The following CFAP299 variants were observed in gnomAD, a reference collection of about 807,000 sequenced individuals.
CFAP299 encodes cilia- and flagella-associated protein 299.
CFAP299 carries 21 observed loss-of-function variants against 27.0 expected under a neutral mutation model. The observed-to-expected ratio is 0.78, with a 90% CI of 0.55 to 1.12. The LOEUF (loss-of-function observed/expected upper bound fraction) is 1.12, where lower values mean the gene tolerates loss of function less well. Ranked by LOEUF, CFAP299 falls within the 50% of genes most tolerant of loss-of-function variation. CFAP299 has a pLI of 0.00. For synonymous variants in CFAP299, 104 were observed against 98.1 expected (o/e 1.06, Z -0.36); for missense variants, 310 against 276.6 (o/e 1.12, Z -0.86).
Position 80,942,612 on chromosome 4 carries a change from A to G in CFAP299, c.477-2198A>G, listed in dbSNP as rs146079681. Reference sequence around the variant, plus strand: ...CAAAAGAATCATGTTCTATACAAATATACTTTTTTTATGTAGAAAACATTT... The same window carrying G: ...CAAAAGAATCATGTTCTATACAAATGTACTTTTTTTATGTAGAAAACATTT... On this transcript the variant is annotated intron_variant, in intron 4 of 5. Transcript: ENST00000358105. 4.1e-3 allele frequency among the ~76,000 whole-genome samples: 618 copies of G among 152,310 alleles called. 1 individual carries two copies. The highest frequency in any genetic ancestry group is 0.014 in the Middle Eastern group (4 of 294).
intron 3 of CFAP299, among the ~76,000 whole-genome samples, chr4:80,800,291 TAA>T (rs1491023146): frequency 5.4e-5 from 4 of 73,740 alleles, no homozygotes; most frequent in Non-Finnish European, 9.1e-5. Flanking sequence ...TATAATATAT[TAA>T]TATATATAAT....
chr4:80,612,249 C>T (rs1188722319), intron 3 of CFAP299, among the ~76,000 whole-genome samples: 1 of 151,978 alleles, frequency 6.6e-6, no homozygotes, highest in Non-Finnish European at 1.5e-5. Context: ...TCTCCTTCCT[C>T]TTCAGGAGAA....
intron 3 of CFAP299, among the ~76,000 whole-genome samples, chr4:80,661,314 C>A: frequency 2.4e-5 from 3 of 126,380 alleles, no homozygotes; most frequent in Admixed American, 9.0e-5. Context: ...TGACAGAGCA[C>A]AACTCCATCT....
At chr4:80,525,093 A>C (rs1733105234) in intron 2 of CFAP299, among the ~76,000 whole-genome samples, 1 of 152,160 alleles carries the variant, frequency 6.6e-6, no homozygotes, top group Admixed American at 6.6e-5. Context: ...TTACAACATG[A>C]CATTTGCTTC....
intron 3 of CFAP299, among the ~76,000 whole-genome samples, chr4:80,765,483 C>T (rs1013488052): frequency 3.3e-5 from 5 of 151,768 alleles, no homozygotes; most frequent in Admixed American, 6.6e-5. Context: ...CCAAGAAATA[C>T]TAAAGTATCA....
intron 3 of CFAP299, among the ~76,000 whole-genome samples, chr4:80,623,785 A>G (rs1344288254): frequency 6.6e-6 from 1 of 152,020 alleles, no homozygotes; most frequent in Non-Finnish European, 1.5e-5. Flanking sequence ...ACAGCCCCAT[A>G]CTCTAGATTA....
intron 3 of CFAP299, among the ~76,000 whole-genome samples, chr4:80,676,511 G>A (rs1398575116): frequency 1.3e-5 from 2 of 152,038 alleles, no homozygotes; most frequent in Non-Finnish European, 2.9e-5. Context: ...CAATTTTTTT[G>A]AAAAGTTTGG....
intron 3 of CFAP299, among the ~76,000 whole-genome samples, chr4:80,861,416 A>G (rs1278633685): frequency 6.6e-6 from 1 of 152,104 alleles, no homozygotes; most frequent in Non-Finnish European, 1.5e-5. Flanking sequence ...CACTGAACCC[A>G]CTGACCTGTG....
intron 3 of CFAP299, among the ~76,000 whole-genome samples, chr4:80,604,007 T>C (rs1737504645): frequency 6.6e-6 from 1 of 152,132 alleles, no homozygotes; most frequent in African/African-American, 2.4e-5. Context: ...AAAAAATACT[T>C]GAATATAAAA....
At chr4:80,827,306 TAAC>T (rs1210482315) in intron 3 of CFAP299, among the ~76,000 whole-genome samples, 6 of 151,810 alleles carry the variant, frequency 4.0e-5, no homozygotes, top group Admixed American at 3.9e-4. Flanking sequence ...CAAATATCCT[TAAC>T]AAAATGCTAG....
At chr4:80,871,239 C>T in intron 4 of CFAP299, 1 of 985,444 alleles carries the variant, frequency 1.0e-6, no homozygotes, top group Non-Finnish European at 1.2e-6. Context: ...TAGCTCTTTC[C>T]TGTCCTACCT....
chr4:80,866,059 TTATA>T (rs70956073), intron 3 of CFAP299, among the ~76,000 whole-genome samples: 4,993 of 58,206 alleles, frequency 0.086, 426 homozygotes, highest in African/African-American at 0.18. Context: ...ACTTAAAGTA[TTATA>T]TATATATATA....
Position 80,795,822 on chromosome 4 carries a change from A to T in CFAP299, c.334-74171A>T, listed in dbSNP as rs75160370. On this transcript the variant is annotated intron_variant, in intron 3 of 5. Coordinates refer to ENST00000358105, the MANE Select transcript of CFAP299 (RefSeq NM_152770.3). ...TCAGTTTCCACCAAAGCCCACTAAC[A>T]GACCAAGATCTGTCTCTCAAATAAG... 2.3e-3 allele frequency among the ~76,000 whole-genome samples: 356 copies of T among 152,266 alleles called. 2 individuals carry two copies. Among genetic ancestry groups the T allele is most frequent in the African/African-American group, 8.3e-3 (345 of 41,558 alleles).
At chr4:80,714,422 G>A (rs1351800565) in intron 3 of CFAP299, among the ~76,000 whole-genome samples, 1 of 152,080 alleles carries the variant, frequency 6.6e-6, no homozygotes. Context: ...AATGCTCTGG[G>A]TAAAGGACAA....
chr4:80,395,473 C>G (rs978754356), intron 2 of CFAP299, among the ~76,000 whole-genome samples: 1 of 152,038 alleles, frequency 6.6e-6, no homozygotes, highest in Admixed American at 6.6e-5. Context: ...TCATCCTTTT[C>G]TTATTCCTGA....
intron 3 of CFAP299, among the ~76,000 whole-genome samples, chr4:80,690,614 T>C (rs1425320847): frequency 6.6e-6 from 1 of 151,972 alleles, no homozygotes; most frequent in Non-Finnish European, 1.5e-5. Context: ...ATTGACACCC[T>C]AACATCACAA....
At chr4:80,461,267 G>A (rs1729425366) in intron 2 of CFAP299, among the ~76,000 whole-genome samples, 1 of 151,992 alleles carries the variant, frequency 6.6e-6, no homozygotes, top group Admixed American at 6.6e-5. Flanking sequence ...GAAGAGACCT[G>A]GAAAAAGAAA....
chr4:80,604,430 C>G (rs1353401335), intron 3 of CFAP299, among the ~76,000 whole-genome samples: 1 of 152,076 alleles, frequency 6.6e-6, no homozygotes. Flanking sequence ...GTCCAGTGCT[C>G]CGCTCTCTAG....
chr4:80,842,229 A>G (rs1730901123), intron 3 of CFAP299, among the ~76,000 whole-genome samples: 1 of 152,120 alleles, frequency 6.6e-6, no homozygotes, highest in African/African-American at 2.4e-5. Context: ...ACTTTTTACC[A>G]TCTTCTACAG....
Sources: gnomAD v4.1 joint callset for allele counts (sites outside exome capture counted in the v4.1 genomes callset) on GRCh38, gnomAD v4.1.1 for gene constraint, MANE v1.5 for transcripts, NCBI Gene and HGNC (gene_info 2026-07-23, HGNC 2026-07-21) for gene names.